The following CCDC144A variants were observed in gnomAD, a reference collection of about 807,000 sequenced individuals.
CCDC144A encodes the protein coiled-coil domain-containing protein 144A.
Under a neutral mutation model 143.8 loss-of-function variants are expected in CCDC144A, and 41 were observed. The ratio of observed to expected loss-of-function variants is 0.29; its 90% CI spans 0.22 to 0.37. CCDC144A has a LOEUF of 0.37. Among genes scored for constraint, CCDC144A ranks in the 10% least tolerant of loss-of-function variants. The pLI, the probability that CCDC144A is intolerant of heterozygous loss-of-function variation, is 1.00. For synonymous variants in CCDC144A, 242 were observed against 517.9 expected (o/e 0.47, Z 7.23); for missense variants, 637 against 1,488.8 (o/e 0.43, Z 9.41).
chr17:16,772,004 A>G lies in CCDC144A; in HGVS notation c.4126A>G (p.Thr1376Ala). The stretch of plus-strand genomic sequence containing the variant: ...GCAGCAGAAGTTGCAAAATGATCTA[A>G]CTGCAGAAGTAGCAGGTATGTTACC... ...KMQQKLQNDL[T>A]AEVAAATKYE... is the part of the protein sequence containing the mutation. The change falls in exon 16 of 17, where the codon ACT becomes GCT. Residue 1376 changes from threonine to alanine, a missense_variant. Coordinates refer to ENST00000399273, the MANE Select transcript of CCDC144A (RefSeq NM_001382000.1). The G allele has an allele frequency of 1.9e-6, 3 of 1,540,066 alleles. No homozygotes were observed. The highest frequency in any genetic ancestry group is 2.6e-6 in the Non-Finnish European group (3 of 1,138,606).
At chr17:16,729,542 T>C (rs1597565188) in intron 9 of CCDC144A, among the ~76,000 whole-genome samples, 1 of 152,330 alleles carries the variant, frequency 6.6e-6, no homozygotes, top group East Asian at 1.9e-4. Context: ...TTTCTTTTGC[T>C]GTGCAGAAGC....
chr17:16,692,889 ATTG>A, intron 1 of CCDC144A, 87 bp from the exon 2 acceptor site: 1 of 1,117,188 alleles, frequency 9.0e-7, no homozygotes, highest in African/African-American at 1.6e-5. Context: ...TAACTCTGAT[ATTG>A]TTTGAAATAC....
At chr17:16,772,409 T>C (rs1445786048) in intron 16 of CCDC144A, among the ~76,000 whole-genome samples, 4 of 150,924 alleles carry the variant, frequency 2.7e-5, no homozygotes, top group Non-Finnish European at 5.9e-5. Flanking sequence ...GCAGTTACAG[T>C]TTATAAGCAG....
the CCDC144A span, among the ~76,000 whole-genome samples, chr17:16,671,914 C>T: frequency 1.3e-5 from 2 of 152,000 alleles, no homozygotes; most frequent in East Asian, 3.9e-4. Context: ...AGGATATATG[C>T]TAATTAAATA....
intron 12 of CCDC144A, chr17:16,746,485 GT>G (rs1914526169): frequency 6.2e-7 from 1 of 1,613,430 alleles, no homozygotes; most frequent in African/African-American, 1.3e-5. Flanking sequence ...GAGTCTCAGG[GT>G]TGGCACTGGT....
chr17:16,740,626 T>A (rs990822098), intron 12 of CCDC144A, among the ~76,000 whole-genome samples: 2 of 152,188 alleles, frequency 1.3e-5, no homozygotes, highest in Admixed American at 1.3e-4. Flanking sequence ...AAATTGCATT[T>A]AATAGCTTAA....
intron 2 of CCDC144A, among the ~76,000 whole-genome samples, chr17:16,702,059 G>T (rs1168881729): frequency 6.6e-6 from 1 of 152,026 alleles, no homozygotes; most frequent in East Asian, 1.9e-4. Flanking sequence ...TTATAATATG[G>T]CTCATCTACA....
intron 12 of CCDC144A, among the ~76,000 whole-genome samples, chr17:16,753,445 T>G (rs1441666923): frequency 2.8e-4 from 41 of 147,842 alleles, no homozygotes; most frequent in African/African-American, 7.0e-4. Flanking sequence ...TTTTTTTTTT[T>G]TTTTTTTTTT....
At chr17:16,688,434 G>A (rs972413245), upstream of CCDC144A, among the ~76,000 whole-genome samples, 8 of 151,740 alleles carry the variant, frequency 5.3e-5, no homozygotes, top group Middle Eastern at 3.4e-3. Flanking sequence ...ACTCATAGGG[G>A]GAATTATGCC....
chr17:16,678,751 GTTTTT>G, the CCDC144A span, among the ~76,000 whole-genome samples: 2 of 78,052 alleles, frequency 2.6e-5, no homozygotes, highest in Non-Finnish European at 2.6e-5. Context: ...TGGCTAATTT[GTTTTT>G]TTTTTTTTTT....
At chr17:16,711,335 C>T (rs1912432295) in intron 5 of CCDC144A, among the ~76,000 whole-genome samples, 1 of 151,586 alleles carries the variant, frequency 6.6e-6, no homozygotes, top group African/African-American at 2.4e-5. Context: ...ATGTTTGTGC[C>T]AGTCAAATGA....
intron 8 of CCDC144A, among the ~76,000 whole-genome samples, chr17:16,726,692 C>A (rs531657306): frequency 6.8e-4 from 104 of 152,112 alleles, no homozygotes; most frequent in African/African-American, 2.4e-3. Flanking sequence ...TGATCTGGGG[C>A]GGTTTTCTGG....
At chr17:16,723,666 G>A (rs1913223166) in intron 8 of CCDC144A, among the ~76,000 whole-genome samples, 1 of 152,082 alleles carries the variant, frequency 6.6e-6, no homozygotes, top group East Asian at 1.9e-4. Flanking sequence ...TCACATGGCA[G>A]AACAGGTGAA....
upstream of CCDC144A, among the ~76,000 whole-genome samples, chr17:16,684,982 C>T (rs565183027): frequency 1.3e-5 from 2 of 152,240 alleles, no homozygotes; most frequent in East Asian, 3.9e-4. Flanking sequence ...AACAAACCCA[C>T]CCATGTACAT....
chr17:16,679,376 C>A, the CCDC144A span, among the ~76,000 whole-genome samples: 1 of 151,784 alleles, frequency 6.6e-6, no homozygotes, highest in Non-Finnish European at 1.5e-5. Flanking sequence ...AATGATAAAC[C>A]TTATAGAATG....
At chr17:16,729,995 C>CAT (rs1412853668) in intron 9 of CCDC144A, among the ~76,000 whole-genome samples, 24 of 104,788 alleles carry the variant, frequency 2.3e-4, no homozygotes, top group African/African-American at 9.9e-4. Flanking sequence ...TATATATACA[C>CAT]ACATACATTT....
chr17:16,753,725 G>A (rs2649354), intron 12 of CCDC144A, among the ~76,000 whole-genome samples: 5 of 152,260 alleles, frequency 3.3e-5, no homozygotes, highest in South Asian at 2.1e-4. Context: ...CAGGGAGACA[G>A]TTTGACTTTC....
chr17:16,678,567 T>G, the CCDC144A span, among the ~76,000 whole-genome samples: 1 of 142,460 alleles, frequency 7.0e-6, no homozygotes, highest in East Asian at 2.1e-4. Flanking sequence ...TTCTTTCTTC[T>G]TTTTTTCTTT....
In CCDC144A at chr17:16,769,878, A is replaced by G. The variant is rs559027069; in HGVS notation, c.4099-2099A>G. ...AGTCTCACTCTGTCTCCCAGGCTGG[A>G]GAGCAGTGGCGTGATCTCTGCTCAC... is the stretch of plus-strand genomic sequence containing the variant. On this transcript the variant is annotated intron_variant, in intron 15 of 16. Transcript: ENST00000399273. Among the ~76,000 whole-genome samples, 16 of 152,040 alleles carry G rather than the reference A, an allele frequency of 1.1e-4. 1 individual carries two copies. The highest frequency in any genetic ancestry group is 2.6e-4 in the Admixed American group (4 of 15,248).
Sources: gnomAD v4.1 joint callset for allele counts (sites outside exome capture counted in the v4.1 genomes callset) on GRCh38, gnomAD v4.1.1 for gene constraint, MANE v1.5 for transcripts, NCBI Gene and HGNC (gene_info 2026-07-23, HGNC 2026-07-21) for gene names.